The following GPRC5D variants were observed in gnomAD, a reference collection of about 807,000 sequenced individuals.
GPRC5D encodes the protein G protein-coupled receptor class C group 5 member D, also known as G protein-coupled receptor family C group 5 member D.
A neutral mutation model predicts 29.3 loss-of-function variants in GPRC5D; 20 were observed. The observed-to-expected ratio is 0.68, with a 90% CI of 0.48 to 0.99. The LOEUF (loss-of-function observed/expected upper bound fraction) is 0.99. Among genes scored for constraint, GPRC5D ranks in the 50% least tolerant of loss-of-function variants. GPRC5D has a pLI of 0.00. For missense variants in GPRC5D, 384 were observed against 423.6 expected (o/e 0.91, Z 0.82); for synonymous variants, 178 against 171.3 (o/e 1.04, Z -0.30).
chr12:12,948,922 C>T (rs1157976463), intron 1 of GPRC5D, among the ~76,000 whole-genome samples: 1 of 152,144 alleles, frequency 6.6e-6, no homozygotes, highest in African/African-American at 2.4e-5. Flanking sequence ...TTTTGTAAAC[C>T]TTGAAGGATT....
chr12:12,946,294 TCC>T (rs1182799875), intron 1 of GPRC5D, among the ~76,000 whole-genome samples: 2 of 32,612 alleles, frequency 6.1e-5, no homozygotes, highest in African/African-American at 1.1e-4. Flanking sequence ...CTTCCTTTCT[TCC>T]TTCCTTCCTT....
At chr12:12,949,877 A>G in exon 1 of GPRC5D, 1 of 1,614,210 alleles carries the variant, frequency 6.2e-7, no homozygotes, top group South Asian at 1.1e-5. Context: ...AGTACAACAA[A>G]GTCCACATTG....
intron 2 of GPRC5D, 127 bp downstream of exon 3, chr12:12,942,134 A>G (rs1863167122): frequency 1.4e-6 from 1 of 711,040 alleles, no homozygotes; most frequent in Non-Finnish European, 2.5e-6. Flanking sequence ...ACATGCCTTT[A>G]GGGATGCTCC....
Position 12,942,364 on chromosome 12 carries a change from C to A in GPRC5D, c.896-36G>T, listed in dbSNP as rs1175935800. 8 of 1,401,656 alleles carry A rather than the reference C, an allele frequency of 5.7e-6. No individual in the cohort carries two copies. The South Asian group carries it at 9.2e-5, about 16-fold the overall frequency. 86.8% of individuals were successfully genotyped at this position (1,401,656 alleles called of 1,614,324 possible). A position where few individuals can be genotyped will look rare whatever the true frequency, so the allele number is the denominator to read the frequency against. ...AAGGAGGGAAGGGCTGGGTTAGTGTCCGAGAGTCAATCGGAAACAGCACAT... is the reference window on the plus strand; with the variant it reads ...AAGGAGGGAAGGGCTGGGTTAGTGTACGAGAGTCAATCGGAAACAGCACAT... On this transcript the variant is annotated intron_variant, in intron 1 of 2. Coordinates refer to ENST00000228887, the Ensembl canonical transcript of GPRC5D.
At chr12:12,949,783 T>A (rs1863442438) in exon 1 of GPRC5D, 1 of 1,614,190 alleles carries the variant, frequency 6.2e-7, no homozygotes, top group South Asian at 1.1e-5. Context: ...CCTTCCATGC[T>A]GCTTCCAGTT....
intron 1 of GPRC5D, chr12:12,944,624 T>C (rs1412031302): frequency 6.6e-6 from 1 of 152,026 alleles, no homozygotes; most frequent in Non-Finnish European, 1.5e-5. Context: ...CGTTGATCCG[T>C]TTTTACATTA....
chr12:12,945,040 C>T (rs978009228), intron 1 of GPRC5D, among the ~76,000 whole-genome samples: 3 of 149,320 alleles, frequency 2.0e-5, no homozygotes, highest in Admixed American at 6.8e-5. Context: ...GTCTCGTTCT[C>T]GTTGCCCAGG....
At chr12:12,949,845 CAGGAAGAGGACATAGACCAGGAGTACA>C (rs758394739) in exon 1 of GPRC5D, 5 of 1,614,008 alleles carry the variant, frequency 3.1e-6, no homozygotes. Context: ...TGAGGGCCAT[CAGGAAGAGGACATAGACCAGGAGTACA>C]ACAAAGTCCA....
downstream of GPRC5D, chr12:12,940,731 C>G (rs1863120806): frequency 1.7e-6 from 2 of 1,192,618 alleles, no homozygotes; most frequent in Non-Finnish European, 2.5e-6. Flanking sequence ...CTATGCTACC[C>G]AGGACGGTCT....
At chr12:12,940,971 G>A in intron 2 of GPRC5D, 122 bp from the exon 4 acceptor site, 1 of 639,726 alleles carries the variant, frequency 1.6e-6, no homozygotes, top group South Asian at 1.6e-5. Context: ...GAGTGCAGTG[G>A]TGTGATCTGG....
chr12:12,949,452 G>C (rs771051342), intron 1 of GPRC5D, 38 bp downstream of exon 2: 8 of 1,539,862 alleles, frequency 5.2e-6, no homozygotes, highest in Non-Finnish European at 6.2e-6. Flanking sequence ...TCTCCTGTAG[G>C]AGCACCTCCC....
chr12:12,942,239 G>A (rs372404743), intron 2 of GPRC5D, 22 bp downstream of exon 3: 6 of 1,500,272 alleles, frequency 4.0e-6, no homozygotes, highest in Non-Finnish European at 4.6e-6. Context: ...CCTCCTGGGT[G>A]AATATAGGCG....
chr12:12,950,726 GA>G (rs1863474864), upstream of GPRC5D, among the ~76,000 whole-genome samples: 1 of 151,902 alleles, frequency 6.6e-6, no homozygotes, highest in South Asian at 2.1e-4. Context: ...AGAATCGCTT[GA>G]ACCCAGGAGA....
intron 1 of GPRC5D, among the ~76,000 whole-genome samples, chr12:12,944,953 CTTTCCTTT>C (rs1863271503): frequency 2.1e-5 from 3 of 141,382 alleles, no homozygotes; most frequent in Non-Finnish European, 4.6e-5. Flanking sequence ...CTTTCCTTTT[CTTTCCTTT>C]TCTTTCCTTT....
At chr12:12,943,539 T>C (rs1270992085) in intron 1 of GPRC5D, among the ~76,000 whole-genome samples, 1 of 152,268 alleles carries the variant, frequency 6.6e-6, no homozygotes, top group African/African-American at 2.4e-5. Context: ...GGAACAGAGC[T>C]ATCCTTTGTG....
downstream of GPRC5D, chr12:12,940,696 T>A: frequency 1.2e-6 from 1 of 809,392 alleles, no homozygotes. Flanking sequence ...AGCGTGACTC[T>A]GTGGGCCCCC....
At chr12:12,940,783 C>T in exon 3 of GPRC5D, 1 of 1,594,146 alleles carries the variant, frequency 6.3e-7, no homozygotes, top group Non-Finnish European at 8.6e-7. Flanking sequence ...ATTTATACTC[C>T]TCCTGCATCT....
chr12:12,949,665 C>T (rs143364840), exon 1 of GPRC5D: 126 of 1,614,144 alleles, frequency 7.8e-5, no homozygotes, highest in Middle Eastern at 6.6e-4. Context: ...TGCAGACGAC[C>T]GGGTCGTCCC....
upstream of GPRC5D, among the ~76,000 whole-genome samples, chr12:12,951,288 C>A (rs1863489643): frequency 6.6e-6 from 1 of 152,132 alleles, no homozygotes; most frequent in South Asian, 2.1e-4. Flanking sequence ...ATGTCCTTAC[C>A]AAAATTGTTC....
Sources: gnomAD v4.1 joint callset for allele counts (sites outside exome capture counted in the v4.1 genomes callset) on GRCh38, gnomAD v4.1.1 for gene constraint, MANE v1.5 for transcripts, NCBI Gene and HGNC (gene_info 2026-07-23, HGNC 2026-07-21) for gene names.